Variants in PAQR8 observed in about 807,000 individuals in gnomAD.
PAQR8 encodes progestin and adipoQ receptor family member 8, also known as membrane progestin receptor beta.
PAQR8 carries 17 observed loss-of-function variants against 25.2 expected under a neutral mutation model. The ratio of observed to expected loss-of-function variants is 0.67; its 90% CI spans 0.46 to 1.01. The LOEUF is 1.01. Ranked by LOEUF, PAQR8 falls within the 50% of genes least tolerant of loss-of-function variation. PAQR8 has a pLI of 0.00. For missense variants in PAQR8, 392 were observed against 448.4 expected, an observed-to-expected ratio of 0.87 and a Z score of 1.14; for synonymous variants, 204 against 190.6, an observed-to-expected ratio of 1.07 and a Z score of -0.58.
At position 52,406,865 on chromosome 6, in the gene PAQR8, G is replaced by T. The variant is rs1000530918; in HGVS notation, c.*2587G>T. On this transcript the variant is annotated 3_prime_UTR_variant, in exon 2 of 2. Transcript: ENST00000442253. Reference sequence around the variant, plus strand: ...GACATTAGCCATCACGCCTGCCCTAGAAACAGTTTTTTAATAGGAGATATT... The same window carrying T: ...GACATTAGCCATCACGCCTGCCCTATAAACAGTTTTTTAATAGGAGATATT... 27 of 277,174 alleles carry T rather than the reference G, an allele frequency of 9.7e-5. No homozygotes were observed. The highest frequency in any genetic ancestry group is 5.7e-4 in the African/African-American group (26 of 45,464). 17.2% of individuals were successfully genotyped at this position (277,174 alleles called of 1,614,324 possible). A position where few individuals can be genotyped will look rare whatever the true frequency, so the allele number is the denominator to read the frequency against.
rs527252400 is a variant in PAQR8 at position 52,407,108 on chromosome 6, T to A, written c.*2830T>A. 3 of 167,074 alleles carry A rather than the reference T, an allele frequency of 1.8e-5. No individual in the cohort carries two copies. In the East Asian group the frequency reaches 5.8e-4, roughly 32 times the overall value. The allele number at this position is 167,074 out of a possible 1,614,324, so 10.3% of individuals were successfully genotyped here. On this transcript the variant is annotated 3_prime_UTR_variant, in exon 2 of 2. Transcript: ENST00000442253. ...ATAAAGGAGATGGCTTATTCAACCA[T>A]AGCCCCTCCAACATATCTACTGGAA...
chr6:52,379,619 CTTTTTTTTTT>C (rs909812638), intron 1 of PAQR8, among the ~76,000 whole-genome samples: 2 of 77,234 alleles, frequency 2.6e-5, no homozygotes, highest in South Asian at 4.2e-4. Context: ...ACCCAGCTTT[CTTTTTTTTTT>C]TTTTTTTTTT....
rs1763866051 is a variant in PAQR8 at position 52,403,531 on chromosome 6, TACCCACTCCCTGCC to T, written c.319_332del (p.Thr107SerfsTer57). 1.9e-6 allele frequency: 3 copies of T among 1,614,074 alleles called. No individual in the cohort carries two copies. The highest frequency in any genetic ancestry group is 2.5e-6 in the Non-Finnish European group (3 of 1,180,042). On this transcript the variant is annotated frameshift_variant, in exon 2 of 2. Coordinates refer to ENST00000442253, the MANE Select transcript of PAQR8 (RefSeq NM_133367.5). LOFTEE classifies it high-confidence loss of function. The stretch of plus-strand genomic sequence containing the variant: ...AGGCTGAGGCCTTGCCATGGGCGTC[TACCCACTCCCTGCC>T]TCTGCTCCTCTTCATCCTGTCGTCA...
chr6:52,369,387 A>G (rs532007309), intron 1 of PAQR8, among the ~76,000 whole-genome samples: 2 of 152,278 alleles, frequency 1.3e-5, no homozygotes, highest in East Asian at 3.9e-4. Flanking sequence ...TATCCTTTTC[A>G]GGTCCAAGAT....
In PAQR8 at chr6:52,364,083, G is replaced by GTTTTTTTTTTTTTTTTTTTTTT. The variant is rs67846872; in HGVS notation, c.-53+1854_-53+1855insTTTTTTTTTTTTTTTTTTTTTT. Among the ~76,000 whole-genome samples, 6 of 84,268 alleles carry GTTTTTTTTTTTTTTTTTTTTTT rather than the reference G, an allele frequency of 7.1e-5. 1 individual carries two copies. The highest frequency in any genetic ancestry group is 1.3e-4 in the Non-Finnish European group (6 of 45,822). The allele number at this position is 84,268 out of a possible 152,430, so 55.3% of individuals were successfully genotyped here. A position where few individuals can be genotyped will look rare whatever the true frequency, so the allele number is the denominator to read the frequency against. On this transcript the variant is annotated intron_variant, in intron 1 of 1. Coordinates refer to ENST00000442253, the MANE Select transcript of PAQR8 (RefSeq NM_133367.5). ...AGTGGATATATCCATTGAAAGATAT[G>GTTTTTTTTTTTTTTTTTTTTTT]TTTTTTTTTTTTTTTTTTTTGCGGG...
Position 52,403,565 on chromosome 6 carries a change from T to G in PAQR8, c.352T>G (p.Ser118Ala). ...HSLPLLLFIL[S>A]SITYLTCSLL... ...CCTGCCTCTGCTCCTCTTCATCCTG[T>G]CGTCAATCACTTACCTCACCTGCAG... Residue 118 changes from serine (S) to alanine (A), a missense_variant, in exon 2 of 2, where the codon TCG (serine) becomes GCG (alanine). Coordinates refer to ENST00000442253, the MANE Select transcript of PAQR8 (RefSeq NM_133367.5). 6.2e-7 allele frequency: 1 copy of G among 1,614,104 alleles called. No homozygotes were observed. Among genetic ancestry groups the G allele is most frequent in the Non-Finnish European group, 8.5e-7 (1 of 1,180,030 alleles).
chr6:52,374,512 C>T (rs1763459376), intron 1 of PAQR8, among the ~76,000 whole-genome samples: 1 of 152,130 alleles, frequency 6.6e-6, no homozygotes, highest in Non-Finnish European at 1.5e-5. Flanking sequence ...CACCTGGGCT[C>T]AAGTGATCCT....
At chr6:52,379,265 G>A (rs72927468) in intron 1 of PAQR8, among the ~76,000 whole-genome samples, 4,972 of 152,254 alleles carry the variant, frequency 0.033, 95 homozygotes, top group Middle Eastern at 0.061. Context: ...GAGACGGAAA[G>A]TAGAATGGCG....
intron 1 of PAQR8, among the ~76,000 whole-genome samples, chr6:52,384,167 A>C (rs72927476): frequency 6.6e-6 from 1 of 152,364 alleles, no homozygotes; most frequent in Non-Finnish European, 1.5e-5. Context: ...TGGTTACATC[A>C]ATAACAACTA....
intron 1 of PAQR8, among the ~76,000 whole-genome samples, chr6:52,364,103 T>TTTTTTTTTTTTTTTTTG (rs59464397): frequency 1.4e-5 from 2 of 138,960 alleles, no homozygotes; most frequent in Admixed American, 7.1e-5. Flanking sequence ...TTTTTTTTTT[T>TTTTTTTTTTTTTTTTTG]GCGGGTGTGT....
chr6:52,394,781 G>A (rs1194549055), intron 1 of PAQR8, among the ~76,000 whole-genome samples: 1 of 152,122 alleles, frequency 6.6e-6, no homozygotes, highest in Admixed American at 6.5e-5. Context: ...GGTTTACTGG[G>A]CTATAACCCA....
chr6:52,363,684 G>T (rs1448920064), intron 1 of PAQR8, among the ~76,000 whole-genome samples: 2 of 152,176 alleles, frequency 1.3e-5, no homozygotes, highest in Non-Finnish European at 2.9e-5. Flanking sequence ...TCCTGTTACT[G>T]AAGTTAATAG....
chr6:52,388,378 G>GAA (rs35641291), intron 1 of PAQR8, among the ~76,000 whole-genome samples: 6 of 133,872 alleles, frequency 4.5e-5, no homozygotes, highest in Non-Finnish European at 6.5e-5. Context: ...CCTGTGTCAG[G>GAA]AAAAAAAAAA....
chr6:52,402,617 CAAAA>C (rs5876274), intron 1 of PAQR8, among the ~76,000 whole-genome samples: 3 of 115,864 alleles, frequency 2.6e-5, no homozygotes, highest in East Asian at 2.5e-4. Context: ...AACTCTGTCT[CAAAA>C]AAAAAAAAAA....
At chr6:52,380,180 A>C (rs1442579565) in intron 1 of PAQR8, among the ~76,000 whole-genome samples, 1 of 152,250 alleles carries the variant, frequency 6.6e-6, no homozygotes, top group Non-Finnish European at 1.5e-5. Context: ...CAGGGAGAGT[A>C]GAAATGCGGT....
chr6:52,380,317 G>C (rs1763544666), intron 1 of PAQR8, among the ~76,000 whole-genome samples: 1 of 152,196 alleles, frequency 6.6e-6, no homozygotes, highest in East Asian at 1.9e-4. Flanking sequence ...TCCACCCGTG[G>C]TATGGCAATG....
chr6:52,389,036 C>T (rs1763665886), intron 1 of PAQR8, among the ~76,000 whole-genome samples: 1 of 152,182 alleles, frequency 6.6e-6, no homozygotes, highest in Non-Finnish European at 1.5e-5. Flanking sequence ...CTCTGCCTGG[C>T]CCCTCCTTTT....
rs777781244 is a variant in PAQR8 at position 52,403,959 on chromosome 6, C to T, written c.746C>T (p.Thr249Ile). Residue 249 changes from threonine to isoleucine, a missense_variant, in exon 2 of 2, where the codon ACC becomes ATC. By Grantham distance (89) the Thr-to-Ile change is moderately conservative (BLOSUM62 -1). Transcript: ENST00000442253. ...CAGGAGCAAGCAGCCTGGTACCACA[C>T]CCTCCAGATCCTCTTCTTCCTGGTT... Reference protein sequence around the residue: ...GCQEQAAWYHTLQILFFLVSA... With the variant: ...GCQEQAAWYHILQILFFLVSA... 1.9e-6 allele frequency: 3 copies of T among 1,614,134 alleles called. No individual in the cohort carries two copies. The highest frequency in any genetic ancestry group is 1.3e-5 in the African/African-American group (1 of 74,952).
At position 52,404,070 on chromosome 6, in the gene PAQR8, A is replaced by T. The variant is rs2113953905; in HGVS notation, c.857A>T (p.His286Leu). 6.2e-7 allele frequency: 1 copy of T among 1,614,184 alleles called. No individual in the cohort carries two copies. The highest frequency in any genetic ancestry group is 1.6e-4 in the Middle Eastern group (1 of 6,062). The change falls in exon 2 of 2, where the codon CAT becomes CTT. Residue 286 changes from histidine to leucine, a missense_variant. Physicochemically the swap from His to Leu is moderately conservative, Grantham distance 99 (BLOSUM62 -3). Transcript: ENST00000442253. ...DIVGHGHQIF[H>L]AFLSICTLSQ... ...GTGGGCCATGGGCATCAGATCTTCC[A>T]TGCATTTCTGTCCATCTGTACGCTC...
Sources: allele counts gnomAD v4.1 joint callset (sites outside exome capture counted in the v4.1 genomes callset), GRCh38; gene constraint gnomAD v4.1.1; transcripts MANE v1.5; gene names NCBI Gene and HGNC (gene_info 2026-07-23, HGNC 2026-07-21).